The following ELK3 variants were observed in gnomAD, a reference collection of about 807,000 sequenced individuals.
The protein encoded by ELK3 is ETS transcription factor ELK3.
A neutral mutation model predicts 28.9 loss-of-function variants in ELK3; 10 were observed. That is an observed-to-expected ratio of 0.35 (90% CI 0.21 to 0.59). The LOEUF (loss-of-function observed/expected upper bound fraction) is 0.59. ELK3 is among the 20% of genes least tolerant of loss of function. The pLI, the probability that ELK3 is intolerant of heterozygous loss-of-function variation, is 0.82. For synonymous variants in ELK3, 272 were observed against 243.5 expected, an observed-to-expected ratio of 1.12 and a Z score of -1.09; for missense variants, 463 against 517.3, an observed-to-expected ratio of 0.90 and a Z score of 1.02.
chr12:96,208,492 C>G (rs1354137247), intron 1 of ELK3, among the ~76,000 whole-genome samples: 1 of 152,252 alleles, frequency 6.6e-6, no homozygotes, highest in African/African-American at 2.4e-5. Flanking sequence ...CTCCAGGCCA[C>G]TGCCAGGGCT....
intron 1 of ELK3, among the ~76,000 whole-genome samples, chr12:96,203,545 G>T (rs1324656516): frequency 6.6e-6 from 1 of 152,196 alleles, no homozygotes; most frequent in Non-Finnish European, 1.5e-5. Context: ...GCCCCACCTT[G>T]TTTTGCCCTT....
chr12:96,223,952 G>A (rs893250309), intron 2 of ELK3, 179 bp downstream of exon 2: 24 of 654,470 alleles, frequency 3.7e-5, no homozygotes, highest in Non-Finnish European at 5.2e-5. Flanking sequence ...CCCTCTGGAC[G>A]CCCTTTGGAT....
At chr12:96,241,876 A>G (rs1951823825) in intron 2 of ELK3, among the ~76,000 whole-genome samples, 1 of 152,198 alleles carries the variant, frequency 6.6e-6, no homozygotes, top group Admixed American at 6.5e-5. Context: ...TCCTCTCACT[A>G]AAATTGGTCC....
intron 4 of ELK3, among the ~76,000 whole-genome samples, chr12:96,260,636 C>T (rs1951986509): frequency 2.0e-5 from 3 of 152,192 alleles, no homozygotes; most frequent in Admixed American, 2.0e-4. Context: ...TCAGTATTTC[C>T]TCCTTGAGAC....
intron 1 of ELK3, among the ~76,000 whole-genome samples, chr12:96,206,369 C>T (rs1413503280): frequency 2.6e-5 from 4 of 151,282 alleles, no homozygotes; most frequent in East Asian, 1.9e-4. Context: ...CAGGCTGGAG[C>T]GCAGTGGCGC....
intron 1 of ELK3, among the ~76,000 whole-genome samples, chr12:96,198,992 T>C (rs964973930): frequency 6.6e-6 from 1 of 152,196 alleles, no homozygotes; most frequent in Admixed American, 6.5e-5. Context: ...ACTTGTTCAG[T>C]GTTTTTTGTC....
At chr12:96,206,326 T>TA (rs1352970986) in intron 1 of ELK3, among the ~76,000 whole-genome samples, 9 of 152,074 alleles carry the variant, frequency 5.9e-5, no homozygotes, top group African/African-American at 1.9e-4. Flanking sequence ...TTTATTTATT[T>TA]TTTTTTTTGA....
intron 1 of ELK3, among the ~76,000 whole-genome samples, chr12:96,210,559 G>GCACACACACACACACA (rs199706864): frequency 1.3e-4 from 19 of 143,164 alleles, no homozygotes; most frequent in Admixed American, 2.7e-4. Flanking sequence ...CTGCGCGCGG[G>GCACACACACACACACA]CGCACGCACA....
chr12:96,214,194 G>A (rs1275415679), intron 1 of ELK3, among the ~76,000 whole-genome samples: 1 of 152,048 alleles, frequency 6.6e-6, no homozygotes, highest in Non-Finnish European at 1.5e-5. Context: ...ACTTTGGGAG[G>A]CCGAGGTGGG....
intron 1 of ELK3, among the ~76,000 whole-genome samples, chr12:96,195,325 G>A (rs1425136575): frequency 2.0e-5 from 3 of 152,148 alleles, no homozygotes; most frequent in Non-Finnish European, 4.4e-5. Flanking sequence ...CCCCGCCCAG[G>A]TCACCGCCCC....
intron 3 of ELK3, among the ~76,000 whole-genome samples, chr12:96,254,198 G>T (rs1159390413): frequency 6.6e-6 from 1 of 152,222 alleles, no homozygotes; most frequent in South Asian, 2.1e-4. Context: ...GGTGGTGCAT[G>T]CCTGTAATCT....
At chr12:96,219,120 A>T (rs1951644164) in intron 1 of ELK3, among the ~76,000 whole-genome samples, 1 of 152,214 alleles carries the variant, frequency 6.6e-6, no homozygotes, top group Admixed American at 6.5e-5. Flanking sequence ...ATAATCTATC[A>T]AACATAAATC....
rs1394082153 is a variant in ELK3 at position 96,205,957 on chromosome 12, C to CT, written c.-3+11255dup. Among the ~76,000 whole-genome samples, 5 of 152,310 alleles carry CT rather than the reference C, an allele frequency of 3.3e-5. No individual in the cohort carries two copies. The East Asian group carries it at 9.7e-4, about 29-fold the overall frequency. On this transcript the variant is annotated intron_variant, in intron 1 of 4. Transcript: ENST00000228741. ...GTAATCTGAAGAGTGTTAAAATTTT[C>CT]TTTAAGTGTATTACTTTAATGACAA...
intron 1 of ELK3, among the ~76,000 whole-genome samples, chr12:96,219,820 G>A (rs992973921): frequency 1.3e-5 from 2 of 152,176 alleles, no homozygotes; most frequent in African/African-American, 2.4e-5. Context: ...GTCTGGCTGC[G>A]ATTTCCACCG....
At position 96,247,206 on chromosome 12, in the gene ELK3, C is replaced by T. The variant is rs1240937923; in HGVS notation, c.474C>T (p.Phe158=). 6.2e-7 allele frequency: 1 copy of T among 1,614,216 alleles called. No individual in the cohort carries two copies. Among genetic ancestry groups the T allele is most frequent in the East Asian group, 2.2e-5 (1 of 44,876 alleles). The stretch of plus-strand genomic sequence containing the variant: ...CCCTGCAGAACCCACCAGACGCCTT[C>T]AAGGCCATCAAGACGGAGAAGCTGG... The part of the protein sequence containing the change: ...INSLQNPPDA[F]KAIKTEKLEE... The change falls in exon 3 of 5, where the codon TTC becomes TTT. Residue 158 remains phenylalanine, a synonymous_variant. Transcript: ENST00000228741. This position sits in a 1 kb window ranked among gnomAD's most constrained non-coding sequence, Gnocchi z 5.5.
chr12:96,228,644 C>A (rs1016862178), intron 2 of ELK3, among the ~76,000 whole-genome samples: 1 of 152,252 alleles, frequency 6.6e-6, no homozygotes, highest in Non-Finnish European at 1.5e-5. Context: ...GAAAATTCAG[C>A]TGTGAAGATG....
intron 2 of ELK3, among the ~76,000 whole-genome samples, chr12:96,233,820 C>T (rs1951760472): frequency 6.6e-6 from 1 of 152,224 alleles, no homozygotes; most frequent in Non-Finnish European, 1.5e-5. Flanking sequence ...CCTGGACTCC[C>T]TTTGGGGTGT....
At chr12:96,201,778 C>CA (rs1951509455) in intron 1 of ELK3, among the ~76,000 whole-genome samples, 1 of 152,140 alleles carries the variant, frequency 6.6e-6, no homozygotes, top group Admixed American at 6.6e-5. Context: ...TTTAAACAAA[C>CA]AGCTATTTTG....
At chr12:96,224,128 C>G (rs4762139) in intron 2 of ELK3, among the ~76,000 whole-genome samples, 37,595 of 152,028 alleles carry the variant, frequency 0.25, 5,096 homozygotes, top group East Asian at 0.59. Flanking sequence ...TTTATCCTGT[C>G]TGGTTTGTGG....
Sources: gnomAD v4.1 joint callset for allele counts (sites outside exome capture counted in the v4.1 genomes callset) on GRCh38, gnomAD v4.1.1 for gene constraint, Gnocchi (gnomAD v3.1) non-coding constraint, MANE v1.5 for transcripts, NCBI Gene and HGNC (gene_info 2026-07-23, HGNC 2026-07-21) for gene names.